NXPH2: variants seen among roughly 807,000 people sequenced by gnomAD.
NXPH2 encodes neurexophilin 2.
NXPH2 carries 5 observed loss-of-function variants against 19.8 expected under a neutral mutation model. The observed-to-expected ratio is 0.25, with a 90% CI of 0.13 to 0.53. NXPH2 has a LOEUF of 0.53. Among genes scored for constraint, NXPH2 ranks in the 20% least tolerant of loss-of-function variants. The probability of loss-of-function intolerance (pLI) is 0.96; values close to 1 mark genes in which losing one functional copy is unlikely to be tolerated. For missense variants in NXPH2, 289 were observed against 322.8 expected, an observed-to-expected ratio of 0.90 and a Z score of 0.80; for synonymous variants, 154 against 127.4, an observed-to-expected ratio of 1.21 and a Z score of -1.41.
intron 1 of NXPH2, among the ~76,000 whole-genome samples, chr2:138,779,082 A>T (rs1037929910): frequency 6.6e-6 from 1 of 152,108 alleles, no homozygotes; most frequent in Admixed American, 6.5e-5. Context: ...TTTTCCCCCT[A>T]ATAGGAAAAG....
intron 1 of NXPH2, among the ~76,000 whole-genome samples, chr2:138,673,874 A>G (rs1311392149): frequency 6.6e-6 from 1 of 151,980 alleles, no homozygotes; most frequent in African/African-American, 2.4e-5. Context: ...AACCTTTGGT[A>G]CTATCAAAAT....
rs943240941 is a variant in NXPH2 at position 138,681,062 on chromosome 2, G to A, written c.52-9397C>T. Among the ~76,000 whole-genome samples the A allele has an allele frequency of 1.8e-4, 28 of 152,148 alleles. 1 individual carries two copies. On this transcript the variant is annotated intron_variant, in intron 1 of 1. Transcript: ENST00000272641. ...CCTTTCACCTTTCTACCTCCAAAGA[G>A]CTTTTGAAGGTGCATAAGATGCAGT...
At position 138,688,741 on chromosome 2, in the gene NXPH2, G is replaced by T. The variant is rs535460758; in HGVS notation, c.52-17076C>A. On this transcript the variant is annotated intron_variant, in intron 1 of 1. Coordinates refer to ENST00000272641, the MANE Select transcript of NXPH2 (RefSeq NM_007226.3). ...AAATCAGAAGTTACAGATGATCATT[G>T]CAGTCATATCAGCTTCAAAACAGTT... is the stretch of plus-strand genomic sequence containing the variant. 3.3e-5 allele frequency among the ~76,000 whole-genome samples: 5 copies of T among 152,156 alleles called. 1 individual carries two copies. The South Asian group carries it at 1.0e-3, about 31-fold the overall frequency.
At chr2:138,762,199 T>C (rs1682028385) in intron 1 of NXPH2, among the ~76,000 whole-genome samples, 1 of 152,176 alleles carries the variant, frequency 6.6e-6, no homozygotes, top group African/African-American at 2.4e-5. Flanking sequence ...TATTACATTA[T>C]CAACAGTGGT....
At chr2:138,713,597 CTGTGTGTGTG>C (rs113220668) in intron 1 of NXPH2, among the ~76,000 whole-genome samples, 5 of 149,518 alleles carry the variant, frequency 3.3e-5, no homozygotes, top group Non-Finnish European at 6.0e-5. Flanking sequence ...AGAAAACGTT[CTGTGTGTGTG>C]TGTGTGTGTG....
At chr2:138,680,607 CTA>C (rs919082307) in intron 1 of NXPH2, among the ~76,000 whole-genome samples, 1 of 151,596 alleles carries the variant, frequency 6.6e-6, no homozygotes, top group Non-Finnish European at 1.5e-5. Flanking sequence ...CTCTCTCTCT[CTA>C]TATATATATA....
intron 1 of NXPH2, among the ~76,000 whole-genome samples, chr2:138,772,021 G>A (rs1264175041): frequency 1.3e-5 from 2 of 152,038 alleles, no homozygotes; most frequent in Non-Finnish European, 2.9e-5. Context: ...CACAAGTCTG[G>A]GCACCTACTA....
At position 138,671,608 on chromosome 2, in the gene NXPH2, T is replaced by C. The variant is rs771968837; in HGVS notation, c.109A>G (p.Lys37Glu). ...CCGACCAACGTCCCTGGAGCATCTT[T>C]GTCTTCCCAATCCAGCCCCTCCGTG... is the stretch of plus-strand genomic sequence containing the variant. ...HATEGLDWED[K>E]DAPGTLVGNV... The change falls in exon 2 of 2, where the codon AAA becomes GAA. Residue 37 changes from lysine to glutamate, a missense_variant. Lys to Glu is a moderately conservative substitution (Grantham distance 56). Transcript: ENST00000272641. 1.9e-6 allele frequency: 3 copies of C among 1,609,146 alleles called. No individual in the cohort carries two copies. Among genetic ancestry groups the C allele is most frequent in the Non-Finnish European group, 2.5e-6 (3 of 1,177,784 alleles).
chr2:138,762,794 C>A (rs1304006515), intron 1 of NXPH2, among the ~76,000 whole-genome samples: 2 of 152,190 alleles, frequency 1.3e-5, no homozygotes. Flanking sequence ...CACTCTTCAA[C>A]TGAAAGTAGA....
chr2:138,762,194 C>T (rs1316224473), intron 1 of NXPH2, among the ~76,000 whole-genome samples: 3 of 152,154 alleles, frequency 2.0e-5, no homozygotes, highest in Admixed American at 1.3e-4. Context: ...CACTTTATTA[C>T]ATTATCAACA....
At chr2:138,768,229 A>T (rs1485772266) in intron 1 of NXPH2, among the ~76,000 whole-genome samples, 4 of 151,810 alleles carry the variant, frequency 2.6e-5, no homozygotes, top group Non-Finnish European at 4.4e-5. Context: ...TTTCCTGATG[A>T]TTTCTCTTAA....
At position 138,718,533 on chromosome 2, in the gene NXPH2, CA is replaced by C. The variant is rs1480438635; in HGVS notation, c.52-46869del. ...GTTGCCCTCACAAGCTCTCCAAAAA[CA>C]TTACTCAAAAAGGCTGTCCAGCAGA... On this transcript the variant is annotated intron_variant, in intron 1 of 1. Coordinates refer to ENST00000272641, the MANE Select transcript of NXPH2 (RefSeq NM_007226.3). Among the ~76,000 whole-genome samples the C allele has an allele frequency of 2.6e-5, 4 of 152,138 alleles. No individual in the cohort carries two copies. The East Asian group carries it at 7.7e-4, about 29-fold the overall frequency.
At chr2:138,683,803 C>T (rs574151449) in intron 1 of NXPH2, among the ~76,000 whole-genome samples, 2 of 152,248 alleles carry the variant, frequency 1.3e-5, no homozygotes, top group East Asian at 3.9e-4. Flanking sequence ...CATTCTTTCA[C>T]CAAACATGAC....
intron 1 of NXPH2, among the ~76,000 whole-genome samples, chr2:138,762,914 T>C (rs1682040186): frequency 6.6e-6 from 1 of 152,220 alleles, no homozygotes. Context: ...TATGTATTAA[T>C]ATATGCACAA....
intron 1 of NXPH2, among the ~76,000 whole-genome samples, chr2:138,743,156 A>G (rs984755935): frequency 9.9e-5 from 15 of 152,218 alleles, no homozygotes; most frequent in Admixed American, 9.2e-4. Context: ...GCTTGTAACA[A>G]AGGCAGTTAG....
intron 1 of NXPH2, among the ~76,000 whole-genome samples, chr2:138,721,746 T>C (rs189817257): frequency 1.2e-3 from 188 of 152,340 alleles, no homozygotes; most frequent in African/African-American, 4.4e-3. Context: ...CCTCGCTTTC[T>C]TACCTTTCTT....
chr2:138,764,803 T>A (rs1224721798), intron 1 of NXPH2, among the ~76,000 whole-genome samples: 1 of 152,230 alleles, frequency 6.6e-6, no homozygotes, highest in Non-Finnish European at 1.5e-5. Flanking sequence ...ATTGAAACTC[T>A]CATTCTTAAA....
intron 1 of NXPH2, among the ~76,000 whole-genome samples, chr2:138,677,597 T>C (rs1212848285): frequency 2.0e-5 from 3 of 152,184 alleles, no homozygotes; most frequent in Admixed American, 6.5e-5. Flanking sequence ...AGCTGACAGG[T>C]TCAAATCATT....
At chr2:138,748,675 AG>A (rs142986407) in intron 1 of NXPH2, among the ~76,000 whole-genome samples, 1,869 of 152,246 alleles carry the variant, frequency 0.012, 20 homozygotes, top group Middle Eastern at 0.051. Context: ...TATTTATTAC[AG>A]AAAGAAGAAA....
Sources: gnomAD v4.1 joint callset for allele counts (sites outside exome capture counted in the v4.1 genomes callset) on GRCh38, gnomAD v4.1.1 for gene constraint, MANE v1.5 for transcripts, NCBI Gene and HGNC (gene_info 2026-07-23, HGNC 2026-07-21) for gene names.